Variants in FOXP4 observed in about 807,000 individuals in gnomAD.
FOXP4 encodes forkhead box P4.
In FOXP4, 25 loss-of-function variants were observed where a neutral mutation model predicts 82.6. The observed-to-expected ratio is 0.30, with a 90% CI of 0.22 to 0.42. The LOEUF (loss-of-function observed/expected upper bound fraction) is 0.42. Among genes scored for constraint, FOXP4 ranks in the 10% least tolerant of loss-of-function variants. FOXP4 has a pLI of 1.00. For synonymous variants in FOXP4, 415 were observed against 388.2 expected (o/e 1.07, Z -0.81); for missense variants, 785 against 900.9 (o/e 0.87, Z 1.65).
rs1422592632 is a variant in FOXP4 at position 41,587,066 on chromosome 6, C to A, written c.568C>A (p.Gln190Lys). The A allele has an allele frequency of 6.2e-7, 1 of 1,607,538 alleles. No homozygotes were observed. Among genetic ancestry groups the A allele is most frequent in the African/African-American group, 1.3e-5 (1 of 74,828 alleles). The change falls in exon 6 of 17, where the codon CAG becomes AAG. Residue 190 changes from glutamine (Q) to lysine (K), a missense_variant. Gln to Lys is a moderately conservative substitution (Grantham distance 53). Transcript: ENST00000307972. The stretch of plus-strand genomic sequence containing the variant: ...GCAGCTCCTGCAAATGCAACAGTTG[C>A]AGCAGCAGCACCTGCTCAACCTGCA... The part of the protein sequence containing the change: ...QQQLLQMQQL[Q>K]QQHLLNLQRQ...
chr6:41,549,127 G>A (rs1357382844), intron 1 of FOXP4, among the ~76,000 whole-genome samples: 1 of 152,058 alleles, frequency 6.6e-6, no homozygotes, highest in African/African-American at 2.4e-5. Flanking sequence ...GGACCCTCAG[G>A]ACCCACTTTA....
chr6:41,570,299 G>A lies in FOXP4; in HGVS notation c.204+4335G>A, dbSNP rs537040887. On this transcript the variant is annotated intron_variant, in intron 2 of 16. Coordinates refer to ENST00000307972, the MANE Select transcript of FOXP4 (RefSeq NM_001012426.2). ...TGGCATGGAGGGAGAGTTGGGGCCC[G>A]CACTCTCCAGAGGGGAGGCTTACGG... is the stretch of plus-strand genomic sequence containing the variant. 131 of 470,748 alleles carry A rather than the reference G, an allele frequency of 2.8e-4. 2 individuals carry two copies. The highest frequency in any genetic ancestry group is 1.8e-3 in the South Asian group (115 of 64,490). The allele number at this position is 470,748 out of a possible 1,614,324, so 29.2% of individuals were successfully genotyped here.
At chr6:41,565,561 A>G (rs1581723205) in intron 1 of FOXP4, among the ~76,000 whole-genome samples, 184 bp from the exon 2 acceptor site, 3 of 152,078 alleles carry the variant, frequency 2.0e-5, no homozygotes, top group African/African-American at 7.2e-5. Flanking sequence ...GCCACCCCTC[A>G]CCTGGGGGGA....
intron 1 of FOXP4, among the ~76,000 whole-genome samples, chr6:41,550,789 G>T (rs1268055530): frequency 6.6e-6 from 1 of 152,222 alleles, no homozygotes; most frequent in Admixed American, 6.5e-5. Flanking sequence ...TAAGGTTCTT[G>T]TGAGACACAC....
At chr6:41,583,210 C>T (rs1382291917) in intron 3 of FOXP4, among the ~76,000 whole-genome samples, 1 of 152,226 alleles carries the variant, frequency 6.6e-6, no homozygotes, top group Non-Finnish European at 1.5e-5. Context: ...GGACAGCCGC[C>T]AGTGATGGGG....
rs975057921 is a variant in FOXP4, at chr6:41,600,581, TC to T, written c.*1647del. On this transcript the variant is annotated 3_prime_UTR_variant, in exon 17 of 17. Transcript: ENST00000307972. ...CTCCCCATGTATTCCCCACCTGTGTTCCGTTTGACCAGCACAGAAATATTAA... is the reference window on the plus strand; with the variant it reads ...CTCCCCATGTATTCCCCACCTGTGTTCGTTTGACCAGCACAGAAATATTAA... 9 of 152,548 alleles carry T rather than the reference TC, an allele frequency of 5.9e-5. No individual in the cohort carries two copies. Among genetic ancestry groups the T allele is most frequent in the East Asian group, 1.9e-4 (1 of 5,164 alleles). The allele number at this position is 152,548 out of a possible 1,614,324, so 9.4% of individuals were successfully genotyped here.
At chr6:41,589,448 G>GCC (rs557929479) in intron 9 of FOXP4, among the ~76,000 whole-genome samples, 5 of 152,152 alleles carry the variant, frequency 3.3e-5, no homozygotes, top group Admixed American at 3.3e-4. Flanking sequence ...CACAGTGGCC[G>GCC]CCCCCCCGTG....
intron 1 of FOXP4, chr6:41,548,633 C>T (rs1763808607): frequency 6.6e-6 from 1 of 152,462 alleles, no homozygotes. Context: ...TGAAGGGCCC[C>T]CTGACCGCCA....
chr6:41,594,480 G>C (rs531854345), intron 13 of FOXP4, among the ~76,000 whole-genome samples: 1 of 152,150 alleles, frequency 6.6e-6, no homozygotes. Flanking sequence ...CAGAGATGCC[G>C]GGGCCCGAAT....
rs1164601344 is a variant in FOXP4 at position 41,591,665 on chromosome 6, G to A, written c.1536+343G>A. On this transcript the variant is annotated intron_variant, in intron 13 of 16. Transcript: ENST00000307972. This position sits in a 1 kb window ranked among gnomAD's most constrained non-coding sequence, Gnocchi z 4.2. ...CAAGCTTGATACAGAAGCCTGGGCC[G>A]AATTTCACAGAGACCCTAAGGGTCT... is the stretch of plus-strand genomic sequence containing the variant. 4.2e-5 allele frequency among the ~76,000 whole-genome samples: 6 copies of A among 141,288 alleles called. No individual in the cohort carries two copies. Among genetic ancestry groups the A allele is most frequent in the East Asian group, 4.0e-4 (2 of 5,052 alleles). 92.7% of individuals were successfully genotyped at this position (141,288 alleles called of 152,430 possible). A position where few individuals can be genotyped will look rare whatever the true frequency, so the allele number is the denominator to read the frequency against.
At position 41,598,801 on chromosome 6, in the gene FOXP4, G is replaced by A. The variant is rs1561811295; in HGVS notation, c.1908G>A (p.Gln636=). The A allele has an allele frequency of 9.6e-6, 15 of 1,562,772 alleles. No individual in the cohort carries two copies. The highest frequency in any genetic ancestry group is 1.2e-5 in the Non-Finnish European group (14 of 1,153,694). ...ACTTTTGCCTCAGCCACCAGGTGCA[G>A]GTGAAGGAGGAGCCAGCAGAGGCAG... ...LSPPQYSHQV[Q]VKEEPAEAEE... The change falls in exon 17 of 17, where the codon CAG becomes CAA. Residue 636 remains glutamine (Q), a synonymous_variant. Transcript: ENST00000307972.
rs1436098926 is a variant in FOXP4 at position 41,584,752 on chromosome 6, C to T, written c.301-17C>T. ...GTTGGGGTCCAGGGGACAGGGCTAA[C>T]GGGCCGAATCCTGCAGGTGCCTGTG... On this transcript the variant is annotated splice_polypyrimidine_tract_variant and intron_variant, in intron 3 of 16. Coordinates refer to ENST00000307972, the MANE Select transcript of FOXP4 (RefSeq NM_001012426.2). 9.6e-6 allele frequency: 15 copies of T among 1,569,438 alleles called. No homozygotes were observed. The Admixed American group carries it at 1.1e-4, about 12-fold the overall frequency.
chr6:41,551,025 C>T (rs559032979), intron 1 of FOXP4, among the ~76,000 whole-genome samples: 7 of 152,328 alleles, frequency 4.6e-5, no homozygotes, highest in African/African-American at 1.4e-4. Flanking sequence ...CTCCCTTCAG[C>T]GTTGCCTCCC....
chr6:41,567,001 AACCC>A (rs779712888), intron 2 of FOXP4, among the ~76,000 whole-genome samples: 5 of 152,226 alleles, frequency 3.3e-5, no homozygotes, highest in Non-Finnish European at 5.9e-5. Context: ...CCAACTTCAT[AACCC>A]TTAAGGGGCC....
intron 15 of FOXP4, 124 bp from the exon 16 acceptor site, chr6:41,597,657 C>T (rs1300619890): frequency 2.4e-5 from 30 of 1,257,786 alleles, no homozygotes; most frequent in African/African-American, 4.5e-5. Context: ...CAGACAGATC[C>T]GCCCGTGGGG....
rs1404122523 is a variant in FOXP4, at chr6:41,558,335, A to C, written c.-16-7410A>C. Among the ~76,000 whole-genome samples, 1 of 152,150 alleles carries C rather than the reference A, an allele frequency of 6.6e-6. No individual in the cohort carries two copies. Among genetic ancestry groups the C allele is most frequent in the Non-Finnish European group, 1.5e-5 (1 of 68,024 alleles). On this transcript the variant is annotated intron_variant, in intron 1 of 16. Coordinates refer to ENST00000307972, the MANE Select transcript of FOXP4 (RefSeq NM_001012426.2). The surrounding 1 kb of genome is among the most constrained non-coding windows in gnomAD (Gnocchi z 4.0). ...CATTTTAACCCATGGGTCTTGACTCACTTTCTTCAAGTGCTGAACCAAGGG... is the reference window on the plus strand; with the variant it reads ...CATTTTAACCCATGGGTCTTGACTCCCTTTCTTCAAGTGCTGAACCAAGGG...
At chr6:41,588,372 A>C (rs1464019835) in intron 8 of FOXP4, among the ~76,000 whole-genome samples, 1 of 152,120 alleles carries the variant, frequency 6.6e-6, no homozygotes, top group Non-Finnish European at 1.5e-5. Flanking sequence ...GGGTCAAACA[A>C]ATTGTTTTCA....
Position 41,599,068 on chromosome 6 carries a change from A to G in FOXP4, c.*132A>G, listed in dbSNP as rs994479798. The G allele has an allele frequency of 1.6e-6, 2 of 1,264,080 alleles. No homozygotes were observed. Among genetic ancestry groups the G allele is most frequent in the Non-Finnish European group, 2.1e-6 (2 of 933,210 alleles). The allele number at this position is 1,264,080 out of a possible 1,614,324, so 78.3% of individuals were successfully genotyped here. ...GACTCAGACCGGGGAGGCCCGGGCC[A>G]GCAGCTCCCAGTGTGACCTGACAAA... On this transcript the variant is annotated 3_prime_UTR_variant, in exon 17 of 17. Transcript: ENST00000307972.
intron 14 of FOXP4, among the ~76,000 whole-genome samples, chr6:41,596,030 T>C (rs545483628): frequency 2.6e-5 from 4 of 152,174 alleles, no homozygotes; most frequent in Non-Finnish European, 5.9e-5. Context: ...CCCGAGAAGC[T>C]GAAATTACAG....
Sources: gnomAD v4.1 joint callset for allele counts (sites outside exome capture counted in the v4.1 genomes callset) on GRCh38, gnomAD v4.1.1 for gene constraint, Gnocchi (gnomAD v3.1) non-coding constraint, MANE v1.5 for transcripts, NCBI Gene and HGNC (gene_info 2026-07-23, HGNC 2026-07-21) for gene names.